Variants in ESRRB observed in about 807,000 individuals in gnomAD.
ESRRB encodes estrogen related receptor beta, also known as steroid hormone receptor ERR2.
A neutral mutation model predicts 46.0 loss-of-function variants in ESRRB; 16 were observed. That is an observed-to-expected ratio of 0.35 (90% CI 0.24 to 0.53). The LOEUF is 0.53. Ranked by LOEUF, ESRRB falls within the 20% of genes least tolerant of loss-of-function variation. The pLI, the probability that ESRRB is intolerant of heterozygous loss-of-function variation, is 0.93. For missense variants in ESRRB, 488 were observed against 607.4 expected (o/e 0.80, Z 2.07); for synonymous variants, 246 against 259.6 (o/e 0.95, Z 0.50).
intron 1 of ESRRB, among the ~76,000 whole-genome samples, chr14:76,423,217 C>T (rs1887050827): frequency 6.8e-6 from 1 of 146,176 alleles, no homozygotes; most frequent in African/African-American, 2.5e-5. Flanking sequence ...AATCTCGGCT[C>T]ACTGCATCCT....
At chr14:76,439,952 C>T (rs1404122494) in intron 2 of ESRRB, among the ~76,000 whole-genome samples, 2 of 152,128 alleles carry the variant, frequency 1.3e-5, no homozygotes, top group Non-Finnish European at 2.9e-5. Context: ...TGAGATGACA[C>T]GCGTTCCCCA....
intron 1 of ESRRB, among the ~76,000 whole-genome samples, chr14:76,395,316 C>A (rs568994079): frequency 6.6e-6 from 1 of 152,182 alleles, no homozygotes; most frequent in Non-Finnish European, 1.5e-5. Context: ...ATCCCTGCTC[C>A]GAGGTCACTT....
chr14:76,451,898 C>A (rs960640981), intron 2 of ESRRB, among the ~76,000 whole-genome samples: 2 of 146,140 alleles, frequency 1.4e-5, no homozygotes, highest in African/African-American at 5.1e-5. Context: ...CCTAAAGTGC[C>A]AAAGTGCAGG....
At chr14:76,394,856 C>T (rs969141524) in intron 1 of ESRRB, among the ~76,000 whole-genome samples, 3 of 152,162 alleles carry the variant, frequency 2.0e-5, no homozygotes, top group African/African-American at 4.8e-5. Context: ...GCAGGAGCCA[C>T]GCAGAGCCAG....
rs551089404 is a variant in ESRRB, at chr14:76,398,586, G to C, written c.50+22135G>C. On this transcript the variant is annotated intron_variant, in intron 1 of 6. Transcript: ENST00000644823. ...GGGTGCAGTGGGTGGAAGGAGGGTA[G>C]GGCTGTGGGGGAAGGGGTCAGAGGA... 2.6e-5 allele frequency among the ~76,000 whole-genome samples: 4 copies of C among 152,306 alleles called. No individual in the cohort carries two copies. The East Asian group carries it at 7.7e-4, about 29-fold the overall frequency.
intron 1 of ESRRB, among the ~76,000 whole-genome samples, chr14:76,359,136 TAA>T (rs1292367790): frequency 6.6e-6 from 1 of 152,236 alleles, no homozygotes; most frequent in Admixed American, 6.5e-5. Flanking sequence ...AAGCTGGTGT[TAA>T]GTTTCGATAA....
chr14:76,416,877 C>A (rs1886728769), intron 1 of ESRRB, among the ~76,000 whole-genome samples: 1 of 152,126 alleles, frequency 6.6e-6, no homozygotes, highest in Non-Finnish European at 1.5e-5. Flanking sequence ...GGAACTTAAC[C>A]TTAGGTGGAC....
intron 1 of ESRRB, among the ~76,000 whole-genome samples, chr14:76,420,015 C>A (rs1438160132): frequency 6.6e-6 from 1 of 152,190 alleles, no homozygotes; most frequent in Non-Finnish European, 1.5e-5. Flanking sequence ...GTTATGGATT[C>A]TCAGTCTTTA....
At chr14:76,335,944 AC>A in intron 1 of ESRRB, among the ~76,000 whole-genome samples, 1 of 152,330 alleles carries the variant, frequency 6.6e-6, no homozygotes, top group Middle Eastern at 3.4e-3. Context: ...CTATTATTCA[AC>A]CTGTTTTAAC....
intron 5 of ESRRB, among the ~76,000 whole-genome samples, chr14:76,487,385 T>C (rs1000750838): frequency 5.3e-5 from 8 of 152,204 alleles, no homozygotes; most frequent in Non-Finnish European, 1.2e-4. Flanking sequence ...CTCATACGAT[T>C]ACACCCTTTT....
intron 5 of ESRRB, among the ~76,000 whole-genome samples, chr14:76,491,093 G>GT (rs1056295440): frequency 1.6e-4 from 25 of 152,320 alleles, no homozygotes; most frequent in Admixed American, 9.2e-4. Flanking sequence ...CCTGGTTCCA[G>GT]TATGTACTCA....
At chr14:76,464,082 G>A (rs1889003823) in intron 3 of ESRRB, among the ~76,000 whole-genome samples, 1 of 152,196 alleles carries the variant, frequency 6.6e-6, no homozygotes, top group African/African-American at 2.4e-5. Context: ...TGCTTCTCCA[G>A]CTTCCAAGGG....
chr14:76,315,976 C>T (rs540404943), intron 1 of ESRRB, among the ~76,000 whole-genome samples: 1 of 152,282 alleles, frequency 6.6e-6, no homozygotes, highest in Admixed American at 6.5e-5. Flanking sequence ...TTCCAGTGAG[C>T]ACTTTTGTTC....
intron 1 of ESRRB, among the ~76,000 whole-genome samples, chr14:76,400,203 A>G (rs1468998899): frequency 6.6e-6 from 1 of 152,198 alleles, no homozygotes; most frequent in Non-Finnish European, 1.5e-5. Context: ...TCAACTGGGT[A>G]CTTCGTGTAC....
chr14:76,358,067 T>A (rs1330068162), intron 1 of ESRRB, among the ~76,000 whole-genome samples: 1 of 151,596 alleles, frequency 6.6e-6, no homozygotes, highest in Non-Finnish European at 1.5e-5. Context: ...ATCCCAGCAC[T>A]TTGGAAGGCT....
At chr14:76,354,006 T>A (rs1566858665) in intron 1 of ESRRB, among the ~76,000 whole-genome samples, 1 of 152,094 alleles carries the variant, frequency 6.6e-6, no homozygotes. Flanking sequence ...AGGTCACACA[T>A]TGCAGGGGTT....
intron 3 of ESRRB, among the ~76,000 whole-genome samples, chr14:76,478,774 A>C (rs556595231): frequency 6.6e-6 from 1 of 152,216 alleles, no homozygotes; most frequent in South Asian, 2.1e-4. Context: ...GACATGTCAC[A>C]GGATAGAGTC....
intron 2 of ESRRB, among the ~76,000 whole-genome samples, chr14:76,440,707 T>TCTCTC (rs1566900352): frequency 2.6e-5 from 4 of 151,398 alleles, no homozygotes; most frequent in African/African-American, 9.8e-5. Flanking sequence ...CTCTTTCTTT[T>TCTCTC]TCTTTCTCTC....
chr14:76,488,793 T>C (rs1890111026), intron 5 of ESRRB, among the ~76,000 whole-genome samples: 1 of 152,022 alleles, frequency 6.6e-6, no homozygotes, highest in African/African-American at 2.4e-5. Context: ...CCACAAAGCC[T>C]CCCCAGACTC....
Sources: allele counts gnomAD v4.1 joint callset (sites outside exome capture counted in the v4.1 genomes callset), GRCh38; gene constraint gnomAD v4.1.1; transcripts MANE v1.5; gene names NCBI Gene and HGNC (gene_info 2026-07-23, HGNC 2026-07-21).